LRP2: variants seen among roughly 807,000 people sequenced by gnomAD.
LRP2 encodes the protein LDL receptor related protein 2, also known as low-density lipoprotein receptor-related protein 2.
LRP2 carries 172 observed loss-of-function variants against 531.0 expected under a neutral mutation model. The observed-to-expected ratio is 0.32, with a 90% CI of 0.29 to 0.37. The LOEUF (loss-of-function observed/expected upper bound fraction) is 0.37, where lower values mean the gene tolerates loss of function less well. Among genes scored for constraint, LRP2 ranks in the 10% least tolerant of loss-of-function variants. LRP2 has a pLI of 1.00. For synonymous variants in LRP2, 1,992 were observed against 2,027.6 expected, an observed-to-expected ratio of 0.98 and a Z score of 0.47; for missense variants, 5,167 against 5,868.3, an observed-to-expected ratio of 0.88 and a Z score of 3.90.
chr2:169,138,459 T>C, intron 75 of LRP2, 118 bp downstream of exon 75: 1 of 1,126,224 alleles, frequency 8.9e-7, no homozygotes, highest in Non-Finnish European at 1.3e-6. Context: ...AGTGCAGACC[T>C]TATTCTGAGA....
chr2:169,156,514 C>T, intron 64 of LRP2, 109 bp from the exon 65 acceptor site: 1 of 1,213,048 alleles, frequency 8.2e-7, no homozygotes, highest in Non-Finnish European at 1.2e-6. Context: ...GAGAAGGGTA[C>T]AGATGAAAAT....
chr2:169,189,802 A>AT (rs35200244), intron 48 of LRP2, among the ~76,000 whole-genome samples: 78,475 of 151,154 alleles, frequency 0.52, 23,534 homozygotes, highest in South Asian at 0.72. Context: ...AACAAACAGT[A>AT]TTTTTTTTTC....
Position 169,235,868 on chromosome 2 carries a change from T to A in LRP2, c.4892A>T (p.His1631Leu), listed in dbSNP as rs1309942116. The A allele has an allele frequency of 1.2e-6, 2 of 1,614,172 alleles. No homozygotes were observed. Among genetic ancestry groups the A allele is most frequent in the South Asian group, 1.1e-5 (1 of 91,078 alleles). The change falls in exon 29 of 79, where the codon CAT becomes CTT. Residue 1631 changes from histidine (H) to leucine (L), a missense_variant. By Grantham distance (99) the His-to-Leu change is moderately conservative. Around this residue, in one of 6 missense-constraint regions of LRP2, gnomAD observed 2,811 missense variants for 3,058.0 expected, o/e 0.92. Coordinates refer to ENST00000649046, the MANE Select transcript of LRP2 (RefSeq NM_004525.3). ...YMDFCDYNGHHRRQVIASDLI... is the reference protein window; with the variant it reads ...YMDFCDYNGHLRRQVIASDLI... ...ATCACTGGCTATCACCTGTCTCCGA[T>A]GGTGTCCATTATAATCACAAAAGTC...
intron 23 of LRP2, 92 bp from the exon 24 acceptor site, chr2:169,243,164 T>G: frequency 9.1e-7 from 1 of 1,096,682 alleles, no homozygotes; most frequent in Non-Finnish European, 1.4e-6. Context: ...TACTTTAAGT[T>G]CTGGAGTACA....
At chr2:169,326,213 C>T (rs1169803208) in intron 1 of LRP2, among the ~76,000 whole-genome samples, 31 of 120,682 alleles carry the variant, frequency 2.6e-4, no homozygotes, top group Non-Finnish European at 4.0e-4. Flanking sequence ...CCTCTCCCCT[C>T]TCCCTCTCGG....
intron 4 of LRP2, among the ~76,000 whole-genome samples, chr2:169,303,497 G>C (rs1346169203): frequency 6.6e-6 from 1 of 152,076 alleles, no homozygotes; most frequent in Non-Finnish European, 1.5e-5. Context: ...CTTTCCACAA[G>C]AGCTTTAAAC....
chr2:169,332,327 G>A (rs546395794), intron 1 of LRP2, among the ~76,000 whole-genome samples: 1 of 152,204 alleles, frequency 6.6e-6, no homozygotes, highest in East Asian at 1.9e-4. Context: ...ATATTATTTA[G>A]TTCTTGACTA....
At chr2:169,213,504 A>G (rs536680347) in intron 36 of LRP2, among the ~76,000 whole-genome samples, 153 bp downstream of exon 36, 46 of 152,338 alleles carry the variant, frequency 3.0e-4, no homozygotes, top group South Asian at 8.3e-4. Context: ...CATGTTTAAG[A>G]CTTCATTATC....
rs1559043276 is a variant in LRP2 at position 169,259,064 on chromosome 2, A to C, written c.2474T>G (p.Leu825Ter). The C allele has an allele frequency of 6.2e-7, 1 of 1,613,400 alleles. No homozygotes were observed. The highest frequency in any genetic ancestry group is 8.5e-7 in the Non-Finnish European group (1 of 1,179,598). Residue 825 changes from leucine (L) to a stop codon, truncating the protein, a stop_gained, in exon 17 of 79, where the codon TTA becomes TGA. Coordinates refer to ENST00000649046, the MANE Select transcript of LRP2 (RefSeq NM_004525.3). LOFTEE classifies it high-confidence loss of function. ...AACTACCACCGACCGTGGGTTATTT[A>C]AATACTGAACTACTGTGCGTCTCGT... The part of the protein sequence containing the change: ...DKTRRTVVQY[L>*]NNPRSVVVHP...
At chr2:169,208,977 C>T (rs1688500836) in intron 38 of LRP2, among the ~76,000 whole-genome samples, 1 of 151,952 alleles carries the variant, frequency 6.6e-6, no homozygotes, top group Non-Finnish European at 1.5e-5. Context: ...AAAAAAATTA[C>T]TAATAAAATA....
intron 51 of LRP2, among the ~76,000 whole-genome samples, chr2:169,181,934 G>C (rs1438270446): frequency 1.3e-5 from 2 of 152,164 alleles, no homozygotes; most frequent in Non-Finnish European, 2.9e-5. Flanking sequence ...CCAAAATACA[G>C]GACTTGAAAA....
At chr2:169,358,619 A>C (rs1310477394) in intron 1 of LRP2, among the ~76,000 whole-genome samples, 1 of 152,230 alleles carries the variant, frequency 6.6e-6, no homozygotes, top group Admixed American at 6.5e-5. Flanking sequence ...TTAAACATAT[A>C]AACTTCATGT....
At chr2:169,168,058 C>T (rs1264264898) in intron 61 of LRP2, among the ~76,000 whole-genome samples, 1 of 52,338 alleles carries the variant, frequency 1.9e-5, no homozygotes, top group East Asian at 3.7e-4. Flanking sequence ...CATCATTCAG[C>T]AAGAGGGAAT....
intron 44 of LRP2, among the ~76,000 whole-genome samples, chr2:169,201,245 G>A (rs1688193227): frequency 6.6e-6 from 1 of 152,054 alleles, no homozygotes; most frequent in African/African-American, 2.4e-5. Context: ...GATCTCATCT[G>A]AACCCTAACT....
chr2:169,326,338 G>A (rs1415064431), intron 1 of LRP2, among the ~76,000 whole-genome samples: 1 of 151,656 alleles, frequency 6.6e-6, no homozygotes, highest in Non-Finnish European at 1.5e-5. Context: ...GCCTCAGCCT[G>A]CCGAGTGCCT....
rs1216987363 is a variant in LRP2 at position 169,284,256 on chromosome 2, C to CTTTT, written c.1043-1259_1043-1256dup. ...CTTTTCTTTTCTTTTTCTTTTTTTTCTTTTTTTTTTTTTTTTTTTTTTTTT... is the reference window on the plus strand; with the variant it reads ...CTTTTCTTTTCTTTTTCTTTTTTTTCTTTTTTTTTTTTTTTTTTTTTTTTTTTTT... On this transcript the variant is annotated intron_variant, in intron 9 of 78. Coordinates refer to ENST00000649046, the MANE Select transcript of LRP2 (RefSeq NM_004525.3). 2.1e-3 allele frequency among the ~76,000 whole-genome samples: 198 copies of CTTTT among 96,530 alleles called. 31 individuals are homozygous for CTTTT. Among genetic ancestry groups the CTTTT allele is most frequent in the Middle Eastern group, 0.015 (2 of 132 alleles). The allele number at this position is 96,530 out of a possible 152,430, so 63.3% of individuals were successfully genotyped here. A position where few individuals can be genotyped will look rare whatever the true frequency, so the allele number is the denominator to read the frequency against.
chr2:169,153,063 C>T (rs1014501013), intron 66 of LRP2, 99 bp from the exon 67 acceptor site: 3 of 980,978 alleles, frequency 3.1e-6, no homozygotes, highest in African/African-American at 3.2e-5. Context: ...TTATTGACAT[C>T]TCTACCTCCC....
At position 169,341,859 on chromosome 2, in the gene LRP2, C is replaced by T. The variant is rs1007569575; in HGVS notation, c.79+20462G>A. Among the ~76,000 whole-genome samples the T allele has an allele frequency of 2.9e-4, 44 of 152,082 alleles. 1 individual carries two copies. The highest frequency in any genetic ancestry group is 2.7e-3 in the Admixed American group (41 of 15,256). On this transcript the variant is annotated intron_variant, in intron 1 of 78. Coordinates refer to ENST00000649046, the MANE Select transcript of LRP2 (RefSeq NM_004525.3). ...CATATAATAAGTTTCAGTGTATGAC[C>T]GCTCTTATTACCAATAGCATCCCTT...
intron 19 of LRP2, among the ~76,000 whole-genome samples, chr2:169,254,385 T>A (rs1690211624): frequency 1.3e-5 from 1 of 77,794 alleles, no homozygotes. Context: ...CAGTAAACTA[T>A]CGCAAGAACA....
Sources: allele counts gnomAD v4.1 joint callset (sites outside exome capture counted in the v4.1 genomes callset), GRCh38; gene constraint gnomAD v4.1.1; regional missense constraint gnomAD v4.1.1; transcripts MANE v1.5; gene names NCBI Gene and HGNC (gene_info 2026-07-23, HGNC 2026-07-21).